The following ITGA8 variants were observed in gnomAD, a reference collection of about 807,000 sequenced individuals.
ITGA8 encodes integrin alpha-8.
ITGA8 carries 91 observed loss-of-function variants against 142.3 expected under a neutral mutation model. The observed-to-expected ratio is 0.64, with a 90% CI of 0.54 to 0.76. The LOEUF is 0.76. ITGA8 is among the 30% of genes least tolerant of loss of function. ITGA8 has a pLI of 0.00. For missense variants in ITGA8, 1,406 were observed against 1,327.7 expected, an observed-to-expected ratio of 1.06 and a Z score of -0.92; for synonymous variants, 505 against 485.2, an observed-to-expected ratio of 1.04 and a Z score of -0.54.
intron 13 of ITGA8, among the ~76,000 whole-genome samples, chr10:15,629,576 A>C (rs1833648625): frequency 6.6e-6 from 1 of 152,084 alleles, no homozygotes; most frequent in Admixed American, 6.5e-5. Context: ...CTCTTAAATG[A>C]AAATTGTGTA....
chr10:15,647,603 C>T (rs1456574124), intron 11 of ITGA8, among the ~76,000 whole-genome samples: 1 of 151,218 alleles, frequency 6.6e-6, no homozygotes, highest in African/African-American at 2.4e-5. Context: ...GCTGGGACTA[C>T]AGGCGCCCGC....
intron 13 of ITGA8, among the ~76,000 whole-genome samples, chr10:15,627,934 T>TCAAAACCAC (rs1833614504): frequency 6.6e-6 from 1 of 151,286 alleles, no homozygotes; most frequent in Non-Finnish European, 1.5e-5. Context: ...AAGAAGTCGG[T>TCAAAACCAC]CAAAACCACC....
chr10:15,712,681 G>C (rs1835383809), intron 2 of ITGA8, among the ~76,000 whole-genome samples: 1 of 152,174 alleles, frequency 6.6e-6, no homozygotes, highest in South Asian at 2.1e-4. Context: ...CCCCTGAGCT[G>C]AGCTTTTTCG....
chr10:15,532,011 C>T (rs1432145808), intron 27 of ITGA8, among the ~76,000 whole-genome samples: 1 of 135,262 alleles, frequency 7.4e-6, no homozygotes, highest in East Asian at 2.3e-4. Context: ...GTTTCTTGGC[C>T]TAAGCACTGT....
intron 1 of ITGA8, 125 bp downstream of exon 1, chr10:15,719,438 G>A (rs188816962): frequency 6.3e-6 from 5 of 795,352 alleles, no homozygotes; most frequent in Non-Finnish European, 5.6e-6. Context: ...GGAGAGGGAC[G>A]GGACCCCGGG....
chr10:15,620,838 T>C (rs1228573070), intron 13 of ITGA8, among the ~76,000 whole-genome samples: 2 of 152,268 alleles, frequency 1.3e-5, no homozygotes, highest in Non-Finnish European at 1.5e-5. Context: ...ATATCTGTTC[T>C]ATTTATATAC....
At chr10:15,667,376 A>AT (rs1185574040) in intron 8 of ITGA8, among the ~76,000 whole-genome samples, 3 of 151,478 alleles carry the variant, frequency 2.0e-5, no homozygotes, top group Non-Finnish European at 4.4e-5. Flanking sequence ...CCCCTTTATC[A>AT]TTTTTTATTG....
chr10:15,715,054 C>G (rs1835425852), intron 2 of ITGA8, among the ~76,000 whole-genome samples: 2 of 152,096 alleles, frequency 1.3e-5, no homozygotes, highest in Admixed American at 1.3e-4. Flanking sequence ...ATGCGGATGT[C>G]AATTTGGGGC....
chr10:15,716,191 G>A (rs1835447871), intron 2 of ITGA8, among the ~76,000 whole-genome samples: 1 of 152,096 alleles, frequency 6.6e-6, no homozygotes, highest in African/African-American at 2.4e-5. Context: ...ATTATTTCAG[G>A]AACATTGATT....
intron 13 of ITGA8, among the ~76,000 whole-genome samples, chr10:15,622,504 G>A (rs1021356085): frequency 4.6e-5 from 7 of 151,950 alleles, no homozygotes; most frequent in Non-Finnish European, 4.4e-5. Flanking sequence ...CAAAAGGGAA[G>A]ACCTCCTTAA....
chr10:15,697,957 T>C (rs1011123745), intron 2 of ITGA8, among the ~76,000 whole-genome samples: 3 of 152,206 alleles, frequency 2.0e-5, no homozygotes, highest in Admixed American at 6.5e-5. Context: ...GGTGTTTGGT[T>C]ACATGAGTAA....
chr10:15,719,899 CCGTGGT>C lies in ITGA8; in HGVS notation c.-134_-129del. ...TCCCGGGTCGGTGCGCTCGGCGCACCCGTGGTGACAGTGCCCGGCGTCTGCTCCCAC... is the reference window on the plus strand; with the variant it reads ...TCCCGGGTCGGTGCGCTCGGCGCACCGACAGTGCCCGGCGTCTGCTCCCAC... On this transcript the variant is annotated 5_prime_UTR_variant, in exon 1 of 30. Coordinates refer to ENST00000378076, the MANE Select transcript of ITGA8 (RefSeq NM_003638.3). 2 of 713,792 alleles carry C rather than the reference CCGTGGT, an allele frequency of 2.8e-6. No individual in the cohort carries two copies. Among genetic ancestry groups the C allele is most frequent in the Non-Finnish European group, 2.0e-6 (1 of 509,152 alleles). 44.2% of individuals were successfully genotyped at this position (713,792 alleles called of 1,614,324 possible). A position where few individuals can be genotyped will look rare whatever the true frequency, so the allele number is the denominator to read the frequency against.
chr10:15,638,846 C>T (rs1833817886), intron 13 of ITGA8, among the ~76,000 whole-genome samples: 1 of 152,030 alleles, frequency 6.6e-6, no homozygotes, highest in African/African-American at 2.4e-5. Flanking sequence ...TTAAAAGGAT[C>T]CTGGGCACAG....
intron 26 of ITGA8, among the ~76,000 whole-genome samples, chr10:15,553,302 G>GTTTTTTTTTTTTTTT (rs5783451): frequency 7.6e-6 from 1 of 131,140 alleles, no homozygotes; most frequent in African/African-American, 2.7e-5. Flanking sequence ...AGTTGCCATA[G>GTTTTTTTTTTTTTTT]TTTTTTTTTT....
chr10:15,614,195 T>C (rs996644650), intron 14 of ITGA8, among the ~76,000 whole-genome samples: 3 of 152,216 alleles, frequency 2.0e-5, no homozygotes, highest in African/African-American at 4.8e-5. Context: ...TCATTGATAA[T>C]TTTAATTTTG....
chr10:15,682,930 C>T (rs1235564223), intron 4 of ITGA8, among the ~76,000 whole-genome samples: 1 of 99,538 alleles, frequency 1.0e-5, no homozygotes, highest in African/African-American at 3.0e-5. Context: ...TGTTAACCCT[C>T]TAATATCACT....
chr10:15,616,382 C>T, intron 14 of ITGA8, 132 bp downstream of exon 14: 1 of 741,418 alleles, frequency 1.3e-6, no homozygotes, highest in Non-Finnish European at 2.3e-6. Flanking sequence ...GCAAAAAATA[C>T]CTCTAGACTT....
At chr10:15,554,385 GGATTACAAAAAATAATGCACTATT>G (rs1564349090) in intron 26 of ITGA8, among the ~76,000 whole-genome samples, 1 of 152,142 alleles carries the variant, frequency 6.6e-6, no homozygotes, top group South Asian at 2.1e-4. Flanking sequence ...CTAAGTCTAT[GGATTACAAAAAATAATGCACTATT>G]CTTTTGGGCT....
At chr10:15,597,835 G>A (rs924197377) in intron 20 of ITGA8, among the ~76,000 whole-genome samples, 4 of 152,182 alleles carry the variant, frequency 2.6e-5, no homozygotes, top group Non-Finnish European at 4.4e-5. Flanking sequence ...ATACCTTCAT[G>A]TTTAGCAGTA....
Sources: gnomAD v4.1 joint callset for allele counts (sites outside exome capture counted in the v4.1 genomes callset) on GRCh38, gnomAD v4.1.1 for gene constraint, MANE v1.5 for transcripts, NCBI Gene and HGNC (gene_info 2026-07-23, HGNC 2026-07-21) for gene names.